The following MPND variants were observed in gnomAD, a reference collection of about 807,000 sequenced individuals.
MPND encodes the protein MPN domain-containing protein.
MPND carries 56 observed loss-of-function variants against 59.2 expected under a neutral mutation model. That is an observed-to-expected ratio of 0.95 (90% confidence interval 0.76 to 1.18). The LOEUF (loss-of-function observed/expected upper bound fraction) is 1.18. MPND is among the 50% of genes most tolerant of loss of function. The pLI, the probability that MPND is intolerant of heterozygous loss-of-function variation, is 0.00. For synonymous variants in MPND, 323 were observed against 291.9 expected, an observed-to-expected ratio of 1.11 and a Z score of -1.09; for missense variants, 671 against 676.0, an observed-to-expected ratio of 0.99 and a Z score of 0.08.
chr19:4,353,961 G>A lies in MPND; in HGVS notation c.665-84G>A, dbSNP rs112642376. The stretch of plus-strand genomic sequence containing the variant: ...CTCCTGCTTCAGCACTGGGATTATA[G>A]GCATGCACCACCACACCCAGTGGCC... On this transcript the variant is annotated intron_variant, in intron 4 of 12. Coordinates refer to ENST00000599840, the MANE Select transcript of MPND (RefSeq NM_001300862.2). 1.9e-4 allele frequency: 227 copies of A among 1,172,312 alleles called. No individual in the cohort carries two copies. In the African/African-American group the frequency reaches 3.0e-3, roughly 16 times the overall value. The allele number at this position is 1,172,312 out of a possible 1,614,324, so 72.6% of individuals were successfully genotyped here.
In MPND at chr19:4,343,978, T is replaced by G; in HGVS notation, c.278T>G (p.Leu93Arg). 7.2e-7 allele frequency: 1 copy of G among 1,379,782 alleles called. No individual in the cohort carries two copies. The highest frequency in any genetic ancestry group is 1.6e-5 in the South Asian group (1 of 61,748). The allele number at this position is 1,379,782 out of a possible 1,614,324, so 85.5% of individuals were successfully genotyped here. A position where few individuals can be genotyped will look rare whatever the true frequency, so the allele number is the denominator to read the frequency against. The change falls in exon 2 of 13, where the codon CTG (leucine) becomes CGG (arginine). Residue 93 changes from leucine to arginine, a missense_variant. Leu to Arg is a moderately radical substitution (Grantham distance 102, BLOSUM62 -2). Coordinates refer to ENST00000599840, the MANE Select transcript of MPND (RefSeq NM_001300862.2). ...DALLEPGAGV[L>R]SIYYLGKKFL... Reference sequence around the variant, plus strand: ...CTGCTGGAGCCTGGCGCCGGGGTGCTGTCCATCTACTACCTGGTGAGCACC... The same window carrying G: ...CTGCTGGAGCCTGGCGCCGGGGTGCGGTCCATCTACTACCTGGTGAGCACC...
At chr19:4,345,353 T>C (rs1972163351) in intron 2 of MPND, among the ~76,000 whole-genome samples, 1 of 152,100 alleles carries the variant, frequency 6.6e-6, no homozygotes, top group Non-Finnish European at 1.5e-5. Flanking sequence ...AGCCCTGTAT[T>C]ATTACTATTA....
chr19:4,353,892 G>A, intron 4 of MPND, 153 bp from the exon 5 acceptor site: 1 of 644,362 alleles, frequency 1.6e-6, no homozygotes, highest in East Asian at 2.8e-5. Flanking sequence ...GCAGTGGTGT[G>A]ATCACAGCTC....
At chr19:4,348,447 A>T (rs1036192423) in intron 3 of MPND, 7 of 150,238 alleles carry the variant, frequency 4.7e-5, no homozygotes, top group South Asian at 2.1e-4. Context: ...TTTTAGTAGA[A>T]ATGGGGTTTC....
At chr19:4,350,477 C>T (rs1462283042) in intron 3 of MPND, among the ~76,000 whole-genome samples, 1 of 151,902 alleles carries the variant, frequency 6.6e-6, no homozygotes, top group Non-Finnish European at 1.5e-5. Context: ...GATCCAGGGA[C>T]CAGGGCAGAG....
Position 4,353,045 on chromosome 19 carries a change from AG to A in MPND, c.664+20del. On this transcript the variant is annotated intron_variant, in intron 4 of 12. Transcript: ENST00000599840. ...GCCCACCCGGGTGAGAGGCGTGGGG[AG>A]GGGAGGCAGGACAGGGGCGGATACA... 7.5e-7 allele frequency: 1 copy of A among 1,328,030 alleles called. No homozygotes were observed. Among genetic ancestry groups the A allele is most frequent in the Non-Finnish European group, 9.7e-7 (1 of 1,028,874 alleles). 82.3% of individuals were successfully genotyped at this position (1,328,030 alleles called of 1,614,324 possible). A position where few individuals can be genotyped will look rare whatever the true frequency, so the allele number is the denominator to read the frequency against.
chr19:4,358,015 C>G, intron 10 of MPND, 68 bp from the exon 11 acceptor site: 2 of 1,352,718 alleles, frequency 1.5e-6, no homozygotes, highest in Non-Finnish European at 2.1e-6. Context: ...CGGGCACTGC[C>G]AATTGTCCCC....
At chr19:4,346,742 G>A (rs751326589) in intron 3 of MPND, among the ~76,000 whole-genome samples, 2 of 151,134 alleles carry the variant, frequency 1.3e-5, no homozygotes, top group Non-Finnish European at 2.9e-5. Context: ...GTGAAATGGA[G>A]ATGGTAGGCC....
At chr19:4,344,276 G>C (rs1599563305) in intron 2 of MPND, among the ~76,000 whole-genome samples, 1 of 151,266 alleles carries the variant, frequency 6.6e-6, no homozygotes, top group Admixed American at 6.6e-5. Context: ...GAGGCCCGGA[G>C]CTCCCTTGGC....
intron 11 of MPND, among the ~76,000 whole-genome samples, chr19:4,358,829 G>A (rs1395532237): frequency 6.6e-6 from 1 of 152,154 alleles, no homozygotes; most frequent in Non-Finnish European, 1.5e-5. Context: ...CGTCAAACCT[G>A]TGACCTCACA....
intron 3 of MPND, among the ~76,000 whole-genome samples, chr19:4,346,509 C>T (rs923220992): frequency 6.6e-6 from 1 of 151,986 alleles, no homozygotes; most frequent in Non-Finnish European, 1.5e-5. Flanking sequence ...CCTTCACCTC[C>T]TGGGTTCAAG....
intron 11 of MPND, among the ~76,000 whole-genome samples, 161 bp from the exon 12 acceptor site, chr19:4,359,002 A>G (rs1972511560): frequency 1.3e-5 from 2 of 152,042 alleles, no homozygotes; most frequent in Non-Finnish European, 2.9e-5. Flanking sequence ...GACCTAAGCT[A>G]GGTGAGCCCT....
chr19:4,352,420 T>C (rs146039402), intron 3 of MPND, among the ~76,000 whole-genome samples: 4,110 of 151,934 alleles, frequency 0.027, 182 homozygotes, highest in African/African-American at 0.094. Flanking sequence ...TGCGGTGGCT[T>C]ACGCCTGTAA....
In MPND at chr19:4,360,049, G is replaced by T. The variant is rs762227211; in HGVS notation, c.*47G>T. On this transcript the variant is annotated 3_prime_UTR_variant, in exon 13 of 13. Coordinates refer to ENST00000599840, the MANE Select transcript of MPND (RefSeq NM_001300862.2). ...TCCAGTTGTCTTGAGGGTCCGGATGGGCTCAGGTAATAAAGAAACGGAAGC... is the reference window on the plus strand; with the variant it reads ...TCCAGTTGTCTTGAGGGTCCGGATGTGCTCAGGTAATAAAGAAACGGAAGC... 10 of 1,495,354 alleles carry T rather than the reference G, an allele frequency of 6.7e-6. No individual in the cohort carries two copies. In the South Asian group the frequency reaches 1.2e-4, roughly 18 times the overall value. 92.6% of individuals were successfully genotyped at this position (1,495,354 alleles called of 1,614,324 possible).
At chr19:4,347,257 T>C (rs984346856) in intron 3 of MPND, 8 of 147,000 alleles carry the variant, frequency 5.4e-5, no homozygotes, top group Middle Eastern at 3.2e-3. Flanking sequence ...TTTTTTTTTT[T>C]CAAGACGGAG....
At position 4,359,930 on chromosome 19, in the gene MPND, C is replaced by T; in HGVS notation, c.1434C>T (p.Ser478=). ...YLDKLKISLA[S]RTPKDQSLCH... is the part of the protein sequence containing the mutation. ...CCTCGTTTCAGATCTCCTTGGCCAG[C>T]AGGACGCCCAAGGACCAGAGCCTGT... The change falls in exon 13 of 13, where the codon AGC becomes AGT. Residue 478 remains serine, a synonymous_variant. Coordinates refer to ENST00000599840, the MANE Select transcript of MPND (RefSeq NM_001300862.2). The T allele has an allele frequency of 6.4e-7, 1 of 1,570,808 alleles. No homozygotes were observed. Among genetic ancestry groups the T allele is most frequent in the Non-Finnish European group, 8.6e-7 (1 of 1,157,682 alleles).
At chr19:4,358,679 T>C (rs1006571923) in intron 11 of MPND, among the ~76,000 whole-genome samples, 1 of 152,010 alleles carries the variant, frequency 6.6e-6, no homozygotes, top group Admixed American at 6.6e-5. Flanking sequence ...CCTAGCTACT[T>C]GGGAGGCTGA....
intron 3 of MPND, among the ~76,000 whole-genome samples, 168 bp from the exon 4 acceptor site, chr19:4,352,729 T>G (rs560792197): frequency 2.0e-5 from 3 of 150,060 alleles, no homozygotes; most frequent in African/African-American, 7.4e-5. Flanking sequence ...TAAAAAAAAA[T>G]GTGAGGTCTT....
At chr19:4,344,910 T>C (rs905000875) in intron 2 of MPND, among the ~76,000 whole-genome samples, 5 of 150,560 alleles carry the variant, frequency 3.3e-5, no homozygotes, top group African/African-American at 1.2e-4. Context: ...CTAATTTTTT[T>C]TTTTTGCAGT....
Sources: allele counts gnomAD v4.1 joint callset (sites outside exome capture counted in the v4.1 genomes callset), GRCh38; gene constraint gnomAD v4.1.1; transcripts MANE v1.5; gene names NCBI Gene and HGNC (gene_info 2026-07-23, HGNC 2026-07-21).